Variants in SASH1 observed in about 807,000 individuals in gnomAD.
The protein encoded by SASH1 is SAM and SH3 domain-containing protein 1.
In SASH1, 44 loss-of-function variants were observed where a neutral mutation model predicts 125.2. That is an observed-to-expected ratio of 0.35 (90% CI 0.28 to 0.45). The LOEUF (loss-of-function observed/expected upper bound fraction) is 0.45, where lower values mean the gene tolerates loss of function less well. SASH1 is among the 20% of genes least tolerant of loss of function. The pLI, the probability that SASH1 is intolerant of heterozygous loss-of-function variation, is 1.00. For synonymous variants in SASH1, 639 were observed against 649.1 expected (o/e 0.98, Z 0.24); for missense variants, 1,426 against 1,614.5 (o/e 0.88, Z 2.00).
chr6:148,289,053 G>A (rs1452363947), intron 1 of SASH1, among the ~76,000 whole-genome samples: 1 of 151,632 alleles, frequency 6.6e-6, no homozygotes, highest in Non-Finnish European at 1.5e-5. Flanking sequence ...GGAGTGCAGC[G>A]GCATGATCTT....
intron 2 of SASH1, among the ~76,000 whole-genome samples, chr6:148,408,855 G>C (rs1447562925): frequency 6.6e-6 from 1 of 152,154 alleles, no homozygotes; most frequent in East Asian, 1.9e-4. Flanking sequence ...TATGGTGTAA[G>C]GTGTCCCCTT....
chr6:148,275,559 A>G (rs2128503731), intron 1 of SASH1, among the ~76,000 whole-genome samples: 1 of 152,180 alleles, frequency 6.6e-6, no homozygotes, highest in Non-Finnish European at 1.5e-5. Flanking sequence ...CCTCTAAGAA[A>G]ATTTTGCAGA....
At chr6:148,429,761 C>A (rs1583145544) in intron 2 of SASH1, among the ~76,000 whole-genome samples, 1 of 99,802 alleles carries the variant, frequency 1.0e-5, no homozygotes, top group Non-Finnish European at 2.1e-5. Flanking sequence ...AAAACAAAAA[C>A]AAACAAACAA....
At chr6:148,234,618 G>C in the SASH1 span, among the ~76,000 whole-genome samples, 1 of 152,056 alleles carries the variant, frequency 6.6e-6, no homozygotes, top group Non-Finnish European at 1.5e-5. Flanking sequence ...CTGAGGTCAG[G>C]AGTTCGAGAC....
At position 148,548,564 on chromosome 6, in the gene SASH1, C is replaced by T. The variant is rs750639623; in HGVS notation, c.*6C>T. ...CAGGCCCTGAGGCCATGTAGCCAGG[C>T]CCGGAATGGGCCTCTCTGGACAAGA... On this transcript the variant is annotated 3_prime_UTR_variant, in exon 20 of 20. Transcript: ENST00000367467. 2.5e-6 allele frequency: 4 copies of T among 1,587,650 alleles called. No homozygotes were observed. In the South Asian group the frequency reaches 4.7e-5, roughly 18 times the overall value.
At chr6:148,393,226 T>A (rs1331401680) in intron 2 of SASH1, among the ~76,000 whole-genome samples, 1 of 150,446 alleles carries the variant, frequency 6.6e-6, no homozygotes, top group Non-Finnish European at 1.5e-5. Context: ...TTGTATTTTT[T>A]TTTTTTTTTT....
At chr6:148,287,021 G>A (rs1779498934) in intron 1 of SASH1, among the ~76,000 whole-genome samples, 3 of 152,132 alleles carry the variant, frequency 2.0e-5, no homozygotes. Flanking sequence ...TGCTCCAGGA[G>A]CCTATGGGTG....
intron 1 of SASH1, among the ~76,000 whole-genome samples, chr6:148,367,568 G>A (rs533759013): frequency 4.6e-5 from 7 of 152,222 alleles, no homozygotes; most frequent in Non-Finnish European, 7.3e-5. Flanking sequence ...CCTTGGGGAG[G>A]GTGGACCAGG....
Position 148,529,740 on chromosome 6 carries a change from C to T in SASH1, c.1429-1786C>T, listed in dbSNP as rs532084918. Among the ~76,000 whole-genome samples, 23 of 152,030 alleles carry T rather than the reference C, an allele frequency of 1.5e-4. No homozygotes were observed. Among genetic ancestry groups the T allele is most frequent in the African/African-American group, 5.5e-4 (23 of 41,466 alleles). ...CACATAAGTTAAGGAATAAAAGAAA[C>T]AACTGATCATTATAAATTTTCTGTA... On this transcript the variant is annotated intron_variant, in intron 12 of 19. Coordinates refer to ENST00000367467, the MANE Select transcript of SASH1 (RefSeq NM_015278.5). This position sits in a 1 kb window ranked among gnomAD's most constrained non-coding sequence, Gnocchi z 4.2.
chr6:148,436,966 A>G (rs1049876956), intron 2 of SASH1, among the ~76,000 whole-genome samples: 3 of 152,196 alleles, frequency 2.0e-5, no homozygotes, highest in African/African-American at 4.8e-5. Context: ...ATTTACACAT[A>G]TACTCAATGA....
intron 1 of SASH1, among the ~76,000 whole-genome samples, chr6:148,362,455 G>C (rs550492813): frequency 1.3e-3 from 192 of 152,174 alleles, no homozygotes; most frequent in African/African-American, 4.6e-3. Context: ...ATGAGGAAGA[G>C]ATTGCAATGT....
Position 148,495,191 on chromosome 6 carries a change from C to G in SASH1, c.729+7476C>G, listed in dbSNP as rs1779262294. Among the ~76,000 whole-genome samples, 1 of 152,200 alleles carries G rather than the reference C, an allele frequency of 6.6e-6. No homozygotes were observed. The highest frequency in any genetic ancestry group is 1.5e-5 in the Non-Finnish European group (1 of 68,036). On this transcript the variant is annotated intron_variant, in intron 8 of 19. Coordinates refer to ENST00000367467, the MANE Select transcript of SASH1 (RefSeq NM_015278.5). The surrounding 1 kb of genome is among the most constrained non-coding windows in gnomAD (Gnocchi z 4.0). Reference sequence around the variant, plus strand: ...CGGCAGAAGTTCCTTTTAAGTGGTTCTTGTGGCAAATGGCTTAATTTCCAT... The same window carrying G: ...CGGCAGAAGTTCCTTTTAAGTGGTTGTTGTGGCAAATGGCTTAATTTCCAT...
chr6:148,257,441 C>G, the SASH1 span, among the ~76,000 whole-genome samples: 7 of 152,284 alleles, frequency 4.6e-5, no homozygotes, highest in East Asian at 1.9e-4. Flanking sequence ...TTCCCGAGGC[C>G]AGACCTCAAG....
chr6:148,500,669 T>C (rs1402172869), intron 8 of SASH1, among the ~76,000 whole-genome samples: 1 of 152,204 alleles, frequency 6.6e-6, no homozygotes, highest in Non-Finnish European at 1.5e-5. Flanking sequence ...CCTTTTCCAG[T>C]GGGCCTCAGA....
chr6:148,439,701 T>C (rs145111676), intron 2 of SASH1, among the ~76,000 whole-genome samples: 28,108 of 151,520 alleles, frequency 0.19, 2,974 homozygotes, highest in East Asian at 0.28. Flanking sequence ...CACTTGAACC[T>C]GGAAGGCGGA....
chr6:148,248,721 G>A, the SASH1 span, among the ~76,000 whole-genome samples: 1 of 152,288 alleles, frequency 6.6e-6, no homozygotes, highest in East Asian at 1.9e-4. Context: ...AGCCTCAGAA[G>A]GAGCTTCATT....
chr6:148,391,647 A>T (rs1169697950), intron 2 of SASH1, among the ~76,000 whole-genome samples: 1 of 152,080 alleles, frequency 6.6e-6, no homozygotes, highest in Non-Finnish European at 1.5e-5. Flanking sequence ...ATGCATTTGG[A>T]CTTGTATGTG....
rs1276391094 is a variant in SASH1 at position 148,544,331 on chromosome 6, G to A, written c.2861G>A (p.Gly954Glu). ...ACGCCTCTGGAGGGCCACAGAAAAGGACACGAGTTTGAAGGAACACACCAT... is the reference window on the plus strand; with the variant it reads ...ACGCCTCTGGAGGGCCACAGAAAAGAACACGAGTTTGAAGGAACACACCAT... ...ARTPLEGHRK[G>E]HEFEGTHHPL... Residue 954 changes from glycine to glutamate, a missense_variant, in exon 18 of 20, where the codon GGA (glycine) becomes GAA (glutamate). Gly to Glu is a moderately conservative substitution (Grantham distance 98, BLOSUM62 -2). Coordinates refer to ENST00000367467, the MANE Select transcript of SASH1 (RefSeq NM_015278.5). The surrounding 1 kb of genome is among the most constrained non-coding windows in gnomAD (Gnocchi z 6.4). The A allele has an allele frequency of 1.2e-6, 2 of 1,614,044 alleles. No homozygotes were observed. Among genetic ancestry groups the A allele is most frequent in the African/African-American group, 1.3e-5 (1 of 74,904 alleles).
the SASH1 span, among the ~76,000 whole-genome samples, chr6:148,238,625 TACACACACAC>T: frequency 0.22 from 33,566 of 149,442 alleles, 3,980 homozygotes; most frequent in African/African-American, 0.29. Flanking sequence ...TACACACACA[TACACACACAC>T]ACACACACAC....
Sources: allele counts gnomAD v4.1 joint callset (sites outside exome capture counted in the v4.1 genomes callset), GRCh38; gene constraint gnomAD v4.1.1; non-coding constraint Gnocchi (gnomAD v3.1); transcripts MANE v1.5; gene names NCBI Gene and HGNC (gene_info 2026-07-23, HGNC 2026-07-21).